AJUBA: variants seen among roughly 807,000 people sequenced by gnomAD.
AJUBA encodes LIM domain-containing protein ajuba.
In AJUBA, 20 loss-of-function variants were observed where a neutral mutation model predicts 53.3. That is an observed-to-expected ratio of 0.38 (90% CI 0.26 to 0.55). The LOEUF is 0.55. Ranked by LOEUF, AJUBA falls within the 20% of genes least tolerant of loss-of-function variation. The probability of loss-of-function intolerance (pLI) is 0.80; values close to 1 mark genes in which losing one functional copy is unlikely to be tolerated. For missense variants in AJUBA, 580 were observed against 730.5 expected (o/e 0.79, Z 2.38); for synonymous variants, 296 against 306.2 (o/e 0.97, Z 0.35).
intron 2 of AJUBA, 63 bp from the exon 3 acceptor site, chr14:22,976,775 C>T: frequency 6.3e-7 from 1 of 1,583,576 alleles, no homozygotes; most frequent in Non-Finnish European, 8.6e-7. Flanking sequence ...CTTCTGGGGT[C>T]ACTGCTCCCC....
chr14:22,978,651 T>TA (rs1281112743), intron 1 of AJUBA: 2 of 1,350,450 alleles, frequency 1.5e-6, no homozygotes, highest in Non-Finnish European at 1.9e-6. Context: ...ACTCAACAGA[T>TA]ATTTTCTGAG....
rs2045115010 is a variant in AJUBA, at chr14:22,982,545, C to T, written c.-279G>A. 2.3e-6 allele frequency: 3 copies of T among 1,319,798 alleles called. No individual in the cohort carries two copies. Among genetic ancestry groups the T allele is most frequent in the Admixed American group, 7.6e-5 (2 of 26,186 alleles). 81.8% of individuals were successfully genotyped at this position (1,319,798 alleles called of 1,614,324 possible). ...GTCTATCTGTTCACGCGTCGACTCG[C>T]CCGACTGCCCCACTCTCCCCGGCCC... On this transcript the variant is annotated 5_prime_UTR_variant, in exon 1 of 8. Transcript: ENST00000262713.
chr14:22,973,127 TA>T lies in AJUBA; in HGVS notation c.*315del, dbSNP rs1336219895. ...GGGCAACATGGTGAGATCCCATCTC[TA>T]AAACAAACAAAATATATATACTGAA... On this transcript the variant is annotated 3_prime_UTR_variant, in exon 8 of 8. Transcript: ENST00000262713. 3.2e-6 allele frequency: 1 copy of T among 309,276 alleles called. No homozygotes were observed. Among genetic ancestry groups the T allele is most frequent in the Non-Finnish European group, 6.1e-6 (1 of 162,662 alleles). The allele number at this position is 309,276 out of a possible 1,614,324, so 19.2% of individuals were successfully genotyped here.
chr14:22,978,877 G>A, intron 1 of AJUBA: 1 of 1,281,818 alleles, frequency 7.8e-7, no homozygotes, highest in Non-Finnish European at 1.0e-6. Context: ...GAGAAAGCAG[G>A]CTAGGCCCAG....
intron 6 of AJUBA, 88 bp from the exon 7 acceptor site, chr14:22,974,203 G>A (rs2045012851): frequency 7.2e-7 from 1 of 1,397,740 alleles, no homozygotes; most frequent in African/African-American, 1.4e-5. Context: ...CCACCCCATG[G>A]GAAGATCATA....
At chr14:22,975,248 TC>T (rs2045024329) in intron 4 of AJUBA, 144 bp from the exon 5 acceptor site, 1 of 1,195,876 alleles carries the variant, frequency 8.4e-7, no homozygotes, top group Admixed American at 2.7e-5. Context: ...GGTGAAGAAG[TC>T]GTAAAATGGA....
At position 22,971,941 on chromosome 14, in the gene AJUBA, A is replaced by C. The variant is rs1319393123; in HGVS notation, c.*1502T>G. On this transcript the variant is annotated 3_prime_UTR_variant, in exon 8 of 8. Transcript: ENST00000262713. Reference sequence around the variant, plus strand: ...ATCTCATCATTTACAAAGTGCTGCAAATTTGATAAATTTATGTTGCTGATA... The same window carrying C: ...ATCTCATCATTTACAAAGTGCTGCACATTTGATAAATTTATGTTGCTGATA... 6.6e-6 allele frequency: 1 copy of C among 152,634 alleles called. No individual in the cohort carries two copies. The allele number at this position is 152,634 out of a possible 1,614,324, so 9.5% of individuals were successfully genotyped here. A position where few individuals can be genotyped will look rare whatever the true frequency, so the allele number is the denominator to read the frequency against.
intron 2 of AJUBA, chr14:22,976,993 C>T: frequency 6.8e-6 from 9 of 1,324,246 alleles, no homozygotes; most frequent in Non-Finnish European, 8.7e-6. Context: ...AACTGCCTTC[C>T]TCTCCAGTGC....
intron 7 of AJUBA, 85 bp downstream of exon 7, chr14:22,973,962 T>C (rs1453359574): frequency 2.0e-6 from 3 of 1,491,690 alleles, no homozygotes; most frequent in Admixed American, 1.7e-5. Context: ...ACCTCTCCCA[T>C]AGATGTCTGG....
rs1340285679 is a variant in AJUBA at position 22,971,217 on chromosome 14, AATAAT to A, written c.*2221_*2225del. 3 of 152,148 alleles carry A rather than the reference AATAAT, an allele frequency of 2.0e-5. No homozygotes were observed. The highest frequency in any genetic ancestry group is 4.4e-5 in the Non-Finnish European group (3 of 68,030). The allele number at this position is 152,148 out of a possible 1,614,324, so 9.4% of individuals were successfully genotyped here. A position where few individuals can be genotyped will look rare whatever the true frequency, so the allele number is the denominator to read the frequency against. On this transcript the variant is annotated 3_prime_UTR_variant, in exon 8 of 8. Transcript: ENST00000262713. ...ATAGGGCCTTTGTATTCACTTATTTAATAATAGTTCAGAAGAAGCTATCTCAGCTG... is the reference window on the plus strand; with the variant it reads ...ATAGGGCCTTTGTATTCACTTATTTAAGTTCAGAAGAAGCTATCTCAGCTG...
chr14:22,973,174 G>T lies in AJUBA; in HGVS notation c.*269C>A. The T allele has an allele frequency of 2.2e-6, 1 of 463,298 alleles. No individual in the cohort carries two copies. Among genetic ancestry groups the T allele is most frequent in the Non-Finnish European group, 3.9e-6 (1 of 256,270 alleles). The allele number at this position is 463,298 out of a possible 1,614,324, so 28.7% of individuals were successfully genotyped here. A position where few individuals can be genotyped will look rare whatever the true frequency, so the allele number is the denominator to read the frequency against. On this transcript the variant is annotated 3_prime_UTR_variant, in exon 8 of 8. Coordinates refer to ENST00000262713, the MANE Select transcript of AJUBA (RefSeq NM_032876.6). ...CTGAAGATACAGAATCAGATGTTCAGAAAGTCCTGGAACCCTCCTGTGTGT... is the reference window on the plus strand; with the variant it reads ...CTGAAGATACAGAATCAGATGTTCATAAAGTCCTGGAACCCTCCTGTGTGT...
At chr14:22,978,532 C>T in intron 1 of AJUBA, 87 bp from the exon 2 acceptor site, 7 of 1,536,864 alleles carry the variant, frequency 4.6e-6, no homozygotes, top group Non-Finnish European at 6.2e-6. Context: ...CCTGATGTGC[C>T]AGGGGTCACA....
chr14:22,978,580 T>C (rs2045059494), intron 1 of AJUBA, 135 bp from the exon 2 acceptor site: 1 of 1,437,796 alleles, frequency 7.0e-7, no homozygotes, highest in Non-Finnish European at 9.2e-7. Context: ...GTAGAGAAGA[T>C]AACGAGTAAT....
At position 22,973,574 on chromosome 14, in the gene AJUBA, G is replaced by A. The variant is rs745379815; in HGVS notation, c.1492-6C>T. ...CTCAGCTGCATCCGGCAGTCCTAGG[G>A]AAGAAGGCACCTAGTTCACCTCAGC... On this transcript the variant is annotated splice_polypyrimidine_tract_variant and splice_region_variant and intron_variant, in intron 7 of 7. Coordinates refer to ENST00000262713, the MANE Select transcript of AJUBA (RefSeq NM_032876.6). 6.2e-7 allele frequency: 1 copy of A among 1,614,044 alleles called. No homozygotes were observed. The highest frequency in any genetic ancestry group is 1.1e-5 in the South Asian group (1 of 91,060).
At chr14:22,977,254 GC>G (rs1192688932) in intron 2 of AJUBA, 2 of 968,104 alleles carry the variant, frequency 2.1e-6, no homozygotes, top group African/African-American at 3.5e-5. Context: ...TTGTTTGGAA[GC>G]AAAGCAGGTC....
chr14:22,982,276 C>T lies in AJUBA; in HGVS notation c.-10G>A, dbSNP rs1370652413. On this transcript the variant is annotated 5_prime_UTR_variant, in exon 1 of 8. Coordinates refer to ENST00000262713, the MANE Select transcript of AJUBA (RefSeq NM_032876.6). ...CTCCTAACCGCTCCATGCCCTCGGGCCTGGGGCCTCTCGCCCCCTCCCCGC... is the reference window on the plus strand; with the variant it reads ...CTCCTAACCGCTCCATGCCCTCGGGTCTGGGGCCTCTCGCCCCCTCCCCGC... 3 of 1,611,304 alleles carry T rather than the reference C, an allele frequency of 1.9e-6. No homozygotes were observed. In the South Asian group the frequency reaches 3.3e-5, roughly 18 times the overall value.
At chr14:22,978,084 C>G (rs920150876) in intron 2 of AJUBA, among the ~76,000 whole-genome samples, 1 of 150,790 alleles carries the variant, frequency 6.6e-6, no homozygotes, top group East Asian at 2.0e-4. Context: ...CAGGGAAGCA[C>G]GAGAGGGAGA....
intron 4 of AJUBA, 138 bp downstream of exon 4, chr14:22,976,318 C>T: frequency 1.1e-6 from 1 of 935,244 alleles, no homozygotes; most frequent in Non-Finnish European, 1.7e-6. Context: ...TAAACAGTTG[C>T]TCTGGGGAGG....
chr14:22,976,410 C>A (rs376393546), intron 4 of AJUBA, 46 bp downstream of exon 4: 2 of 1,583,258 alleles, frequency 1.3e-6, no homozygotes, highest in Non-Finnish European at 1.7e-6. Context: ...TGATCCCGCT[C>A]CTCAGCCTCA....
Sources: gnomAD v4.1 joint callset for allele counts (sites outside exome capture counted in the v4.1 genomes callset) on GRCh38, gnomAD v4.1.1 for gene constraint, MANE v1.5 for transcripts, NCBI Gene and HGNC (gene_info 2026-07-23, HGNC 2026-07-21) for gene names.